The following GRAMD1C variants were observed in gnomAD, a reference collection of about 807,000 sequenced individuals.
The protein encoded by GRAMD1C is GRAM domain containing 1C, also known as protein Aster-C.
A neutral mutation model predicts 97.8 loss-of-function variants in GRAMD1C; 89 were observed. The ratio of observed to expected loss-of-function variants is 0.91; its 90% CI spans 0.77 to 1.09. The LOEUF (loss-of-function observed/expected upper bound fraction) is 1.09, where lower values mean the gene tolerates loss of function less well. GRAMD1C is among the 50% of genes least tolerant of loss of function. GRAMD1C has a pLI of 0.00. For missense variants in GRAMD1C, 740 were observed against 766.4 expected (o/e 0.97, Z 0.41); for synonymous variants, 256 against 267.0 (o/e 0.96, Z 0.40).
At chr3:113,856,315 T>C (rs1934126055) in intron 2 of GRAMD1C, among the ~76,000 whole-genome samples, 1 of 152,178 alleles carries the variant, frequency 6.6e-6, no homozygotes, top group East Asian at 1.9e-4. Flanking sequence ...GGGATCCCTG[T>C]ATCCTTTAAA....
chr3:113,903,342 TC>T (rs1936246330), intron 7 of GRAMD1C, among the ~76,000 whole-genome samples: 1 of 152,156 alleles, frequency 6.6e-6, no homozygotes, highest in Non-Finnish European at 1.5e-5. Flanking sequence ...TTCCTGTTCT[TC>T]AGTCTCTGAA....
At chr3:113,940,045 T>G (rs201844541) in intron 16 of GRAMD1C, 49 bp downstream of exon 16, 95 of 1,070,292 alleles carry the variant, frequency 8.9e-5, no homozygotes, top group African/African-American at 8.7e-4. Context: ...TTTCAGTAAT[T>G]CTTCAGTTGC....
At chr3:113,921,475 C>A (rs1937052535) in intron 10 of GRAMD1C, among the ~76,000 whole-genome samples, 1 of 152,084 alleles carries the variant, frequency 6.6e-6, no homozygotes, top group Non-Finnish European at 1.5e-5. Context: ...GAGTAGATAC[C>A]CAGTAATGGG....
rs1935309415 is a variant in GRAMD1C, at chr3:113,882,623, T to C, written c.460-129T>C. On this transcript the variant is annotated intron_variant, in intron 5 of 17. Coordinates refer to ENST00000358160, the MANE Select transcript of GRAMD1C (RefSeq NM_017577.5). The stretch of plus-strand genomic sequence containing the variant: ...ATAACAAAAAGTTAAATAAAAATAG[T>C]ATACAAAGTAGGCAGTGTTGACCTA... 6.0e-6 allele frequency: 3 copies of C among 501,872 alleles called. No individual in the cohort carries two copies. The East Asian group carries it at 8.8e-5, about 15-fold the overall frequency. The allele number at this position is 501,872 out of a possible 1,614,324, so 31.1% of individuals were successfully genotyped here.
At chr3:113,845,327 G>C (rs1341796746) in intron 2 of GRAMD1C, among the ~76,000 whole-genome samples, 1 of 152,138 alleles carries the variant, frequency 6.6e-6, no homozygotes, top group Admixed American at 6.5e-5. Context: ...ATAGAATCTG[G>C]TGTGATACAA....
At chr3:113,834,799 G>A (rs914084068), upstream of GRAMD1C, among the ~76,000 whole-genome samples, 4 of 151,448 alleles carry the variant, frequency 2.6e-5, no homozygotes, top group Non-Finnish European at 5.9e-5. Context: ...AATTAGCTGG[G>A]CGTGGTGGTG....
At chr3:113,874,275 G>T (rs148933252) in intron 3 of GRAMD1C, among the ~76,000 whole-genome samples, 2 of 152,256 alleles carry the variant, frequency 1.3e-5, no homozygotes, top group East Asian at 3.9e-4. Flanking sequence ...CACAGAGCCA[G>T]ATCTTAACCT....
intron 2 of GRAMD1C, among the ~76,000 whole-genome samples, chr3:113,855,113 AC>A (rs1934066900): frequency 1.3e-5 from 2 of 151,964 alleles, no homozygotes; most frequent in Admixed American, 1.3e-4. Context: ...GGAGTTTGAG[AC>A]CAGCCTGACC....
intron 6 of GRAMD1C, chr3:113,885,601 A>G (rs1460754134): frequency 2.0e-6 from 3 of 1,529,080 alleles, no homozygotes; most frequent in Middle Eastern, 1.7e-4. Flanking sequence ...ATAGACAAAC[A>G]TTCTGTCCGG....
chr3:113,904,304 C>G (rs1409573590), intron 8 of GRAMD1C, 32 bp downstream of exon 8: 2 of 1,395,158 alleles, frequency 1.4e-6, no homozygotes, highest in East Asian at 4.6e-5. Context: ...TAAAATATAT[C>G]TGGTACTGTC....
intron 6 of GRAMD1C, among the ~76,000 whole-genome samples, chr3:113,884,293 A>G (rs1935368190): frequency 1.3e-5 from 2 of 152,218 alleles, no homozygotes; most frequent in African/African-American, 4.8e-5. Flanking sequence ...ATTAGAAATA[A>G]ATAACGAAGG....
intron 2 of GRAMD1C, among the ~76,000 whole-genome samples, chr3:113,857,520 C>T (rs566635712): frequency 1.8e-4 from 27 of 152,068 alleles, no homozygotes; most frequent in Middle Eastern, 3.4e-3. Context: ...GGACTACGGG[C>T]GCCCACCACC....
rs903206575 is a variant in GRAMD1C at position 113,897,500 on chromosome 3, A to C, written c.541-3531A>C. On this transcript the variant is annotated intron_variant, in intron 6 of 17. Coordinates refer to ENST00000358160, the MANE Select transcript of GRAMD1C (RefSeq NM_017577.5). ...AGTGAGGTATAACTTCCAATTCTGC[A>C]TTCTGACCTGCAACCTTGGAAAGAG... 3.1e-6 allele frequency: 3 copies of C among 983,512 alleles called. No individual in the cohort carries two copies. In the African/African-American group the frequency reaches 5.2e-5, roughly 17 times the overall value. The allele number at this position is 983,512 out of a possible 1,614,324, so 60.9% of individuals were successfully genotyped here.
At chr3:113,839,085 C>G (rs143992872) in intron 1 of GRAMD1C, 149 bp downstream of exon 1, 33 of 537,364 alleles carry the variant, frequency 6.1e-5, no homozygotes, top group Admixed American at 9.0e-5. Context: ...AAGTTGTTAC[C>G]GAGGAAACGG....
At chr3:113,908,229 C>G (rs1936436958) in intron 8 of GRAMD1C, among the ~76,000 whole-genome samples, 1 of 152,136 alleles carries the variant, frequency 6.6e-6, no homozygotes. Flanking sequence ...TACTATTCCA[C>G]TAAGTCTGAT....
At chr3:113,933,758 G>A (rs185699244) in intron 12 of GRAMD1C, 105 bp downstream of exon 12, 41 of 792,970 alleles carry the variant, frequency 5.2e-5, no homozygotes, top group Admixed American at 2.2e-4. Flanking sequence ...TTTATTTCTT[G>A]CTTAAATTAC....
At chr3:113,899,822 T>A (rs551582814) in intron 6 of GRAMD1C, among the ~76,000 whole-genome samples, 21 of 152,328 alleles carry the variant, frequency 1.4e-4, no homozygotes, top group Middle Eastern at 3.4e-3. Flanking sequence ...ATTTGTTAAT[T>A]TCTGCCTACA....
chr3:113,855,050 G>A (rs1034962589), intron 2 of GRAMD1C, among the ~76,000 whole-genome samples: 81 of 152,290 alleles, frequency 5.3e-4, no homozygotes, highest in African/African-American at 1.8e-3. Context: ...GGTGGCTCAC[G>A]CCTGTAATCC....
chr3:113,928,674 A>G (rs1937311304), intron 10 of GRAMD1C, among the ~76,000 whole-genome samples: 1 of 152,140 alleles, frequency 6.6e-6, no homozygotes, highest in East Asian at 1.9e-4. Flanking sequence ...TTTTCTGTCT[A>G]TGTGAATTTG....
Sources: allele counts gnomAD v4.1 joint callset (sites outside exome capture counted in the v4.1 genomes callset), GRCh38; gene constraint gnomAD v4.1.1; transcripts MANE v1.5; gene names NCBI Gene and HGNC (gene_info 2026-07-23, HGNC 2026-07-21).